The following CCBE1 variants were observed in gnomAD, a reference collection of about 807,000 sequenced individuals.
CCBE1 encodes collagen and calcium-binding EGF domain-containing protein 1.
In CCBE1, 37 loss-of-function variants were observed where a neutral mutation model predicts 50.0. The ratio of observed to expected loss-of-function variants is 0.74; its 90% CI spans 0.57 to 0.97. The LOEUF (loss-of-function observed/expected upper bound fraction) is 0.97. Ranked by LOEUF, CCBE1 falls within the 50% of genes least tolerant of loss-of-function variation. The pLI is 0.00. For missense variants in CCBE1, 538 were observed against 523.8 expected (o/e 1.03, Z -0.26); for synonymous variants, 234 against 203.7 (o/e 1.15, Z -1.27).
At chr18:59,531,890 G>A (rs1568190641) in intron 2 of CCBE1, among the ~76,000 whole-genome samples, 1 of 152,154 alleles carries the variant, frequency 6.6e-6, no homozygotes, top group East Asian at 1.9e-4. Flanking sequence ...ATCAACTATT[G>A]TGAAGATCAG....
chr18:59,602,506 T>A (rs2053446379), intron 2 of CCBE1, among the ~76,000 whole-genome samples: 2 of 152,170 alleles, frequency 1.3e-5, no homozygotes, highest in Non-Finnish European at 2.9e-5. Flanking sequence ...AAATAAGTTT[T>A]CCCATCTACA....
intron 2 of CCBE1, among the ~76,000 whole-genome samples, chr18:59,487,268 A>AT (rs1298034126): frequency 5.9e-5 from 9 of 151,570 alleles, no homozygotes; most frequent in East Asian, 5.8e-4. Flanking sequence ...TCTGGAAGAG[A>AT]TTTTTTTGCC....
At chr18:59,656,097 C>G (rs2054185711) in intron 2 of CCBE1, among the ~76,000 whole-genome samples, 2 of 152,208 alleles carry the variant, frequency 1.3e-5, no homozygotes, top group African/African-American at 4.8e-5. Context: ...AATATAACTT[C>G]TGCTTTTGAA....
At chr18:59,594,255 G>A (rs1332498737) in intron 2 of CCBE1, among the ~76,000 whole-genome samples, 5 of 152,210 alleles carry the variant, frequency 3.3e-5, no homozygotes, top group Non-Finnish European at 7.3e-5. Context: ...CGCTACAGAT[G>A]GGTTCCTGAA....
At chr18:59,658,879 C>CA (rs61226521) in intron 2 of CCBE1, among the ~76,000 whole-genome samples, 14,294 of 54,638 alleles carry the variant, frequency 0.26, 3,529 homozygotes, top group East Asian at 0.52. Context: ...GACTCTGTCT[C>CA]AAAAAAAAAA....
chr18:59,621,675 A>C (rs566132896), intron 2 of CCBE1, among the ~76,000 whole-genome samples: 143 of 152,346 alleles, frequency 9.4e-4, no homozygotes, highest in African/African-American at 3.3e-3. Context: ...TCACACCATC[A>C]GTAGTAAGCA....
chr18:59,644,414 C>G (rs969368522), intron 2 of CCBE1, among the ~76,000 whole-genome samples: 1 of 152,198 alleles, frequency 6.6e-6, no homozygotes, highest in African/African-American at 2.4e-5. Flanking sequence ...AAGTTCTGTT[C>G]TCCCTGTCTT....
intron 2 of CCBE1, among the ~76,000 whole-genome samples, chr18:59,556,648 T>C (rs971527221): frequency 6.6e-6 from 1 of 152,162 alleles, no homozygotes; most frequent in Non-Finnish European, 1.5e-5. Flanking sequence ...GAGAACCAGG[T>C]ATTATTAGTA....
chr18:59,545,804 T>G, intron 2 of CCBE1, among the ~76,000 whole-genome samples: 1 of 152,204 alleles, frequency 6.6e-6, no homozygotes, highest in South Asian at 2.1e-4. Context: ...CTTTTACATC[T>G]TCCTCATTTT....
intron 6 of CCBE1, among the ~76,000 whole-genome samples, chr18:59,452,819 A>T (rs1448005710): frequency 2.6e-5 from 4 of 152,194 alleles, no homozygotes; most frequent in African/African-American, 9.7e-5. Context: ...TTTAGAAATA[A>T]ATTGCTCCTC....
intron 2 of CCBE1, among the ~76,000 whole-genome samples, chr18:59,658,816 T>C (rs1347798567): frequency 7.0e-6 from 1 of 142,300 alleles, no homozygotes; most frequent in East Asian, 2.1e-4. Flanking sequence ...GGCAGTGGAG[T>C]TTGCAGTGAG....
intron 2 of CCBE1, among the ~76,000 whole-genome samples, chr18:59,516,272 A>C (rs111580523): frequency 0.016 from 2,413 of 152,112 alleles, 28 homozygotes; most frequent in Non-Finnish European, 0.026. Flanking sequence ...CTGGAGAGCA[A>C]AGTTGTCCTT....
At chr18:59,603,054 A>T (rs2144564574) in intron 2 of CCBE1, among the ~76,000 whole-genome samples, 1 of 152,374 alleles carries the variant, frequency 6.6e-6, no homozygotes, top group Non-Finnish European at 1.5e-5. Context: ...TCCCAGGAAG[A>T]GAAAACTCCA....
chr18:59,480,852 T>C (rs1250442633), intron 2 of CCBE1, among the ~76,000 whole-genome samples: 1 of 152,098 alleles, frequency 6.6e-6, no homozygotes, highest in Non-Finnish European at 1.5e-5. Flanking sequence ...AACATAAATA[T>C]TCAATACTTA....
At chr18:59,646,306 A>G (rs2144656926) in intron 2 of CCBE1, among the ~76,000 whole-genome samples, 1 of 152,328 alleles carries the variant, frequency 6.6e-6, no homozygotes, top group African/African-American at 2.4e-5. Flanking sequence ...TGGGCCAGAT[A>G]GGGACTTAGG....
intron 2 of CCBE1, among the ~76,000 whole-genome samples, chr18:59,687,293 T>A (rs919289372): frequency 6.6e-6 from 1 of 152,220 alleles, no homozygotes; most frequent in Non-Finnish European, 1.5e-5. Context: ...TGCACCTTTC[T>A]AAGTTTAGCC....
chr18:59,508,084 G>A (rs1913963001), intron 2 of CCBE1, among the ~76,000 whole-genome samples: 1 of 151,532 alleles, frequency 6.6e-6, no homozygotes, highest in African/African-American at 2.4e-5. Flanking sequence ...GTAGAGATGG[G>A]GTTTCACCGT....
intron 6 of CCBE1, among the ~76,000 whole-genome samples, chr18:59,452,966 T>G (rs1055566764): frequency 6.6e-6 from 1 of 152,234 alleles, no homozygotes; most frequent in African/African-American, 2.4e-5. Context: ...ACCTCGTGGA[T>G]TTTTATGTAG....
rs1910111476 is a variant in CCBE1 at position 59,435,548 on chromosome 18, CTT to C, written c.*358_*359del. On this transcript the variant is annotated 3_prime_UTR_variant, in exon 11 of 11. Coordinates refer to ENST00000439986, the MANE Select transcript of CCBE1 (RefSeq NM_133459.4). ...TAGAGCTCACTTTGTCATTTTCCCC[CTT>C]TTGATACTCTGCCAAATTTAACTTC... 1 of 319,356 alleles carries C rather than the reference CTT, an allele frequency of 3.1e-6. No homozygotes were observed. Among genetic ancestry groups the C allele is most frequent in the Admixed American group, 4.5e-5 (1 of 21,982 alleles). The allele number at this position is 319,356 out of a possible 1,614,324, so 19.8% of individuals were successfully genotyped here.
Sources: allele counts gnomAD v4.1 joint callset (sites outside exome capture counted in the v4.1 genomes callset), GRCh38; gene constraint gnomAD v4.1.1; transcripts MANE v1.5; gene names NCBI Gene and HGNC (gene_info 2026-07-23, HGNC 2026-07-21).